The following MECOM variants were observed in gnomAD, a reference collection of about 807,000 sequenced individuals.
MECOM encodes histone-lysine N-methyltransferase MECOM.
A neutral mutation model predicts 116.3 loss-of-function variants in MECOM; 13 were observed. The observed-to-expected ratio is 0.11, with a 90% CI of 0.07 to 0.18. The LOEUF is 0.18. MECOM is among the 10% of genes least tolerant of loss of function. The pLI is 1.00. For synonymous variants in MECOM, 528 were observed against 535.2 expected, an observed-to-expected ratio of 0.99 and a Z score of 0.19; for missense variants, 1,299 against 1,509.0, an observed-to-expected ratio of 0.86 and a Z score of 2.31.
At chr3:169,413,480 T>G (rs1737935182) in intron 1 of MECOM, among the ~76,000 whole-genome samples, 2 of 94,714 alleles carry the variant, frequency 2.1e-5, no homozygotes, top group African/African-American at 9.5e-5. Flanking sequence ...TTTTTTTTGT[T>G]TTTTTTTTTA....
intron 1 of MECOM, among the ~76,000 whole-genome samples, chr3:169,478,197 T>C (rs1283260366): frequency 6.6e-6 from 1 of 152,172 alleles, no homozygotes; most frequent in Non-Finnish European, 1.5e-5. Context: ...GGCTCTTGGA[T>C]TTGGGGCATT....
At chr3:169,214,972 A>G (rs1213183225) in intron 2 of MECOM, among the ~76,000 whole-genome samples, 1 of 149,712 alleles carries the variant, frequency 6.7e-6, no homozygotes, top group East Asian at 1.9e-4. Flanking sequence ...AAATCAGAGC[A>G]TGTGAAGATT....
chr3:169,652,256 TGACCCTA>T (rs534093045), intron 1 of MECOM, among the ~76,000 whole-genome samples: 204 of 152,358 alleles, frequency 1.3e-3, no homozygotes, highest in Non-Finnish European at 2.2e-3. Flanking sequence ...TCATGAACTA[TGACCCTA>T]GCCAAAACTA....
chr3:169,294,531 T>C (rs2149702125), intron 2 of MECOM, among the ~76,000 whole-genome samples: 1 of 152,324 alleles, frequency 6.6e-6, no homozygotes, highest in South Asian at 2.1e-4. Context: ...CCCCATTGTA[T>C]GGAGCTGGGT....
chr3:169,559,137 G>A lies in MECOM; in HGVS notation c.37+104199C>T, dbSNP rs1340297761. Among the ~76,000 whole-genome samples the A allele has an allele frequency of 2.0e-5, 3 of 152,052 alleles. No homozygotes were observed. In the East Asian group the frequency reaches 5.8e-4, roughly 29 times the overall value. ...CCACTAGCAGGGGCGAAGTTTGGAT[G>A]CCAAAAGACATTGTATTGTCAAAGC... is the stretch of plus-strand genomic sequence containing the variant. On this transcript the variant is annotated intron_variant, in intron 1 of 16. Transcript: ENST00000651503.
At chr3:169,272,505 GA>G (rs1309361264) in intron 2 of MECOM, among the ~76,000 whole-genome samples, 1 of 151,666 alleles carries the variant, frequency 6.6e-6, no homozygotes, top group Non-Finnish European at 1.5e-5. Flanking sequence ...CCTGGTCATA[GA>G]AAAAAAATTA....
chr3:169,121,615 A>G (rs1731057199), intron 6 of MECOM, among the ~76,000 whole-genome samples: 1 of 152,164 alleles, frequency 6.6e-6, no homozygotes, highest in Non-Finnish European at 1.5e-5. Context: ...GACTAACTAC[A>G]TTAAATCTAT....
chr3:169,528,967 CT>C (rs1397959413), intron 1 of MECOM, among the ~76,000 whole-genome samples: 12 of 152,186 alleles, frequency 7.9e-5, no homozygotes, highest in Non-Finnish European at 1.8e-4. Flanking sequence ...AACAAAAACA[CT>C]TTTTAAAAAT....
chr3:169,140,063 A>AAC (rs1737643635), intron 3 of MECOM, among the ~76,000 whole-genome samples: 1 of 151,258 alleles, frequency 6.6e-6, no homozygotes, highest in Non-Finnish European at 1.5e-5. Flanking sequence ...ATGAAAAAAA[A>AAC]ACATTTTTAT....
intron 1 of MECOM, among the ~76,000 whole-genome samples, chr3:169,646,770 C>A (rs182897172): frequency 1.0e-3 from 159 of 152,330 alleles, no homozygotes; most frequent in Non-Finnish European, 1.7e-3. Context: ...CTAGCACCAT[C>A]TATTCACTGG....
Position 169,449,526 on chromosome 3 carries a change from T to C in MECOM, c.38-68002A>G, listed in dbSNP as rs139705741. On this transcript the variant is annotated intron_variant, in intron 1 of 16. Coordinates refer to ENST00000651503, the MANE Select transcript of MECOM (RefSeq NM_004991.4). The stretch of plus-strand genomic sequence containing the variant: ...ATAAATGACTGCTTCATTATAGCTA[T>C]AATTTATGAGGTGTTAGAAGTAAAG... Among the ~76,000 whole-genome samples, 25 of 152,306 alleles carry C rather than the reference T, an allele frequency of 1.6e-4. 1 individual carries two copies. The highest frequency in any genetic ancestry group is 5.8e-4 in the African/African-American group (24 of 41,586).
At chr3:169,586,182 G>A (rs985003280) in intron 1 of MECOM, among the ~76,000 whole-genome samples, 1 of 152,214 alleles carries the variant, frequency 6.6e-6, no homozygotes, top group Non-Finnish European at 1.5e-5. Context: ...TGCAAGTAAA[G>A]TAGGAATGAG....
chr3:169,370,177 T>A (rs7641358), intron 2 of MECOM, among the ~76,000 whole-genome samples: 1,958 of 151,958 alleles, frequency 0.013, 43 homozygotes, highest in African/African-American at 0.045. Flanking sequence ...AACATACACA[T>A]AGACTGATGG....
intron 1 of MECOM, among the ~76,000 whole-genome samples, chr3:169,457,364 A>G (rs1250769514): frequency 3.3e-5 from 5 of 152,156 alleles, no homozygotes; most frequent in African/African-American, 1.2e-4. Context: ...CTGTTCAGAA[A>G]CTCGGCCAAA....
chr3:169,174,662 T>C (rs547394361), intron 2 of MECOM, among the ~76,000 whole-genome samples: 1 of 152,294 alleles, frequency 6.6e-6, no homozygotes, highest in African/African-American at 2.4e-5. Flanking sequence ...CACTCTAAGA[T>C]ATTGGATCGG....
At chr3:169,224,428 C>T (rs1307702618) in intron 2 of MECOM, among the ~76,000 whole-genome samples, 1 of 152,156 alleles carries the variant, frequency 6.6e-6, no homozygotes, top group East Asian at 1.9e-4. Flanking sequence ...GTTTGAATGG[C>T]TTGAGGGGGA....
At chr3:169,583,767 A>ATTTT (rs575566457) in intron 1 of MECOM, among the ~76,000 whole-genome samples, 1 of 137,352 alleles carries the variant, frequency 7.3e-6, no homozygotes, top group South Asian at 2.4e-4. Context: ...CGTCTGGCTA[A>ATTTT]TTTTTTTTTT....
chr3:169,405,079 A>C (rs1736483501), intron 1 of MECOM, among the ~76,000 whole-genome samples: 1 of 152,226 alleles, frequency 6.6e-6, no homozygotes, highest in Non-Finnish European at 1.5e-5. Context: ...TCCCAGGGGA[A>C]GATAACAGTT....
intron 2 of MECOM, among the ~76,000 whole-genome samples, chr3:169,199,400 C>A (rs922635310): frequency 2.0e-5 from 3 of 151,950 alleles, no homozygotes; most frequent in Non-Finnish European, 4.4e-5. Context: ...ATGTTAACTT[C>A]TTTTCTTTTG....
Sources: gnomAD v4.1 joint callset for allele counts (sites outside exome capture counted in the v4.1 genomes callset) on GRCh38, gnomAD v4.1.1 for gene constraint, MANE v1.5 for transcripts, NCBI Gene and HGNC (gene_info 2026-07-23, HGNC 2026-07-21) for gene names.